The following IL1RAP variants were observed in gnomAD, a reference collection of about 807,000 sequenced individuals.
IL1RAP encodes the protein interleukin-1 receptor accessory protein.
A neutral mutation model predicts 60.7 loss-of-function variants in IL1RAP; 35 were observed. The observed-to-expected ratio is 0.58, with a 90% CI of 0.44 to 0.76. The LOEUF (loss-of-function observed/expected upper bound fraction) is 0.76. IL1RAP is among the 30% of genes least tolerant of loss of function. The pLI is 0.00. For synonymous variants in IL1RAP, 268 were observed against 250.9 expected (o/e 1.07, Z -0.64); for missense variants, 572 against 693.9 (o/e 0.82, Z 1.97).
chr3:190,541,040 A>T (rs1422998579), intron 1 of IL1RAP, among the ~76,000 whole-genome samples: 1 of 152,110 alleles, frequency 6.6e-6, no homozygotes, highest in East Asian at 1.9e-4. Flanking sequence ...CAAACTTCAC[A>T]TATCTTTATG....
At chr3:190,629,278 G>T in intron 8 of IL1RAP, 72 bp from the exon 9 acceptor site, 1 of 1,144,772 alleles carries the variant, frequency 8.7e-7, no homozygotes, top group South Asian at 1.6e-5. Context: ...TTGCTTACTT[G>T]TCTGATTCCT....
intron 3 of IL1RAP, among the ~76,000 whole-genome samples, chr3:190,584,427 A>G (rs1030159195): frequency 1.3e-5 from 2 of 152,200 alleles, no homozygotes; most frequent in East Asian, 3.9e-4. Flanking sequence ...TTAACCTAAT[A>G]AGAGGCTGCC....
intron 3 of IL1RAP, among the ~76,000 whole-genome samples, chr3:190,601,821 GC>G (rs1399191284): frequency 6.6e-6 from 1 of 151,906 alleles, no homozygotes; most frequent in African/African-American, 2.4e-5. Context: ...TGGGCCAGCT[GC>G]CAGCTGGGGT....
At chr3:190,525,895 C>A (rs1177327529) in intron 1 of IL1RAP, among the ~76,000 whole-genome samples, 3 of 152,136 alleles carry the variant, frequency 2.0e-5, no homozygotes, top group African/African-American at 7.2e-5. Context: ...GTAATCAATT[C>A]CCCAAAACAC....
At chr3:190,632,702 T>A (rs931340648) in intron 9 of IL1RAP, among the ~76,000 whole-genome samples, 1 of 152,306 alleles carries the variant, frequency 6.6e-6, no homozygotes, top group South Asian at 2.1e-4. Flanking sequence ...GGTATCCTTC[T>A]GTGTTTTCTT....
chr3:190,656,858 A>G, exon 12 of IL1RAP: 2 of 392,066 alleles, frequency 5.1e-6, no homozygotes, highest in South Asian at 6.3e-5. Context: ...AAAGTTGCCT[A>G]AAGTCTGATC....
At chr3:190,524,917 TAA>T (rs1722380430) in intron 1 of IL1RAP, among the ~76,000 whole-genome samples, 1 of 152,158 alleles carries the variant, frequency 6.6e-6, no homozygotes, top group Non-Finnish European at 1.5e-5. Context: ...TATGTATATA[TAA>T]GTGTATGTGT....
intron 1 of IL1RAP, among the ~76,000 whole-genome samples, chr3:190,555,114 AC>A (rs1027917738): frequency 1.3e-3 from 198 of 152,212 alleles, no homozygotes; most frequent in African/African-American, 4.7e-3. Context: ...AGGGGAGAAA[AC>A]CTCAGATGGC....
At chr3:190,577,359 T>C (rs1404956716) in intron 3 of IL1RAP, among the ~76,000 whole-genome samples, 2 of 152,178 alleles carry the variant, frequency 1.3e-5, no homozygotes, top group African/African-American at 4.8e-5. Flanking sequence ...ATTCAATTTT[T>C]AGGAAGCTTT....
At chr3:190,655,558 C>T (rs1297412278), downstream of IL1RAP, among the ~76,000 whole-genome samples, 12 of 131,080 alleles carry the variant, frequency 9.2e-5, no homozygotes, top group African/African-American at 2.8e-4. Context: ...AATTGCCCAC[C>T]GTGTGTGTGT....
At chr3:190,541,870 T>A (rs1723963420) in intron 1 of IL1RAP, among the ~76,000 whole-genome samples, 1 of 152,164 alleles carries the variant, frequency 6.6e-6, no homozygotes, top group Non-Finnish European at 1.5e-5. Flanking sequence ...TGTCTCTGGA[T>A]GAGAAGTGGA....
intron 5 of IL1RAP, among the ~76,000 whole-genome samples, chr3:190,611,454 G>A (rs373048128): frequency 6.6e-6 from 1 of 152,068 alleles, no homozygotes; most frequent in South Asian, 2.1e-4. Flanking sequence ...AAGATAAATT[G>A]TAAGAAAAGG....
intron 6 of IL1RAP, among the ~76,000 whole-genome samples, chr3:190,622,955 C>G (rs1731908020): frequency 6.6e-6 from 1 of 152,282 alleles, no homozygotes; most frequent in East Asian, 1.9e-4. Context: ...GGAACCCTAG[C>G]CACCAATCAT....
chr3:190,543,891 C>A (rs889671068), intron 1 of IL1RAP, among the ~76,000 whole-genome samples: 1 of 152,156 alleles, frequency 6.6e-6, no homozygotes, highest in Non-Finnish European at 1.5e-5. Context: ...TGTCATCAGT[C>A]GGCCTTTACA....
chr3:190,653,954 G>A (rs966404223), downstream of IL1RAP, among the ~76,000 whole-genome samples: 7 of 152,028 alleles, frequency 4.6e-5, no homozygotes, highest in Admixed American at 4.6e-4. Context: ...TCCTACATGT[G>A]TTTCTCAACG....
chr3:190,555,974 A>ATCTG (rs1000983293), intron 1 of IL1RAP, 156 bp from the exon 2 acceptor site: 3 of 149,530 alleles, frequency 2.0e-5, no homozygotes, highest in Non-Finnish European at 4.5e-5. Flanking sequence ...CTATCTATCT[A>ATCTG]TCTTCTATAG....
intron 1 of IL1RAP, among the ~76,000 whole-genome samples, chr3:190,527,826 TACACACACACAC>T (rs10602405): frequency 0.016 from 2,219 of 139,684 alleles, 23 homozygotes; most frequent in Non-Finnish European, 0.022. Context: ...AGGAAAGGTC[TACACACACACAC>T]ACACACACAC....
At chr3:190,601,488 G>C (rs1729855247) in intron 3 of IL1RAP, among the ~76,000 whole-genome samples, 1 of 152,214 alleles carries the variant, frequency 6.6e-6, no homozygotes, top group South Asian at 2.1e-4. Flanking sequence ...GTCATTTGTT[G>C]AGTCTTGGAA....
At chr3:190,617,788 A>G (rs982492513) in intron 5 of IL1RAP, among the ~76,000 whole-genome samples, 1 of 152,186 alleles carries the variant, frequency 6.6e-6, no homozygotes, top group African/African-American at 2.4e-5. Context: ...AGAGTTGCTG[A>G]TAAGAAAGAG....
Sources: allele counts gnomAD v4.1 joint callset (sites outside exome capture counted in the v4.1 genomes callset), GRCh38; gene constraint gnomAD v4.1.1; transcripts MANE v1.5; gene names NCBI Gene and HGNC (gene_info 2026-07-23, HGNC 2026-07-21).